Variants in GPR132 observed in about 807,000 individuals in gnomAD.
The protein encoded by GPR132 is G protein-coupled receptor 132, also known as probable G protein-coupled receptor 132.
In GPR132, 4 loss-of-function variants were observed where a neutral mutation model predicts 1.9. That is an observed-to-expected ratio of 2.13 (90% confidence interval 1.05 to 4.87). The LOEUF (loss-of-function observed/expected upper bound fraction) is 4.87, where lower values mean the gene tolerates loss of function less well. Ranked by LOEUF, GPR132 falls within the 30% of genes most tolerant of loss-of-function variation. GPR132 has a pLI of 0.01. For synonymous variants in GPR132, 233 were observed against 234.2 expected (o/e 0.99, Z 0.05); for missense variants, 404 against 512.5 (o/e 0.79, Z 2.04).
Position 105,059,575 on chromosome 14 carries a change from TGTGTAGGCGAGAG to T in GPR132, c.-860-2308_-860-2296del, listed in dbSNP as rs1458235746. ...TGCAACCATTTGTCTCTCGCCTACC[TGTGTAGGCGAGAG>T]ACAAATGGTTGGGAAGCCCCCTCCC... On this transcript the variant is annotated intron_variant, in intron 1 of 3. Transcript: ENST00000329797. This position sits in a 1 kb window ranked among gnomAD's most constrained non-coding sequence, Gnocchi z 4.2. 2.0e-5 allele frequency among the ~76,000 whole-genome samples: 3 copies of T among 151,274 alleles called. No individual in the cohort carries two copies. In the East Asian group the frequency reaches 5.9e-4, roughly 29 times the overall value.
Position 105,054,464 on chromosome 14 carries a change from T to C in GPR132, c.34+923A>G, listed in dbSNP as rs1427997033. The C allele has an allele frequency of 3.2e-6, 3 of 939,866 alleles. No individual in the cohort carries two copies. In the African/African-American group the frequency reaches 5.5e-5, roughly 17 times the overall value. 58.2% of individuals were successfully genotyped at this position (939,866 alleles called of 1,614,324 possible). On this transcript the variant is annotated intron_variant, in intron 3 of 3. Coordinates refer to ENST00000329797, the MANE Select transcript of GPR132 (RefSeq NM_013345.4). The stretch of plus-strand genomic sequence containing the variant: ...TTTGAGACGTAGTCTCAAAAAACTG[T>C]GTTGATGCCCAGGCTGGAGTGCAGT...
intron 1 of GPR132, among the ~76,000 whole-genome samples, chr14:105,061,522 G>C (rs960344235): frequency 6.6e-6 from 1 of 152,222 alleles, no homozygotes; most frequent in Admixed American, 6.5e-5. Flanking sequence ...CTGCAGTGTC[G>C]CGGTCTGTCC....
intron 3 of GPR132, chr14:105,054,500 CTG>C (rs1242202823): frequency 1.4e-6 from 1 of 699,634 alleles, no homozygotes. Context: ...GGCGTGATCT[CTG>C]CTACTGCAAC....
At chr14:105,061,947 T>A (rs1167773440) in intron 1 of GPR132, among the ~76,000 whole-genome samples, 1 of 152,184 alleles carries the variant, frequency 6.6e-6, no homozygotes, top group Admixed American at 6.5e-5. Flanking sequence ...GGGTAGGGGA[T>A]AGCCCACCAT....
chr14:105,055,783 C>A lies in GPR132; in HGVS notation c.-363G>T, dbSNP rs1011584408. Reference sequence around the variant, plus strand: ...AATATAAATATATATATATATTCCACTGTGCCCTTCCATCTTGAGCAATCC... The same window carrying A: ...AATATAAATATATATATATATTCCAATGTGCCCTTCCATCTTGAGCAATCC... On this transcript the variant is annotated 5_prime_UTR_variant, in exon 3 of 4. Transcript: ENST00000329797. The surrounding 1 kb of genome is among the most constrained non-coding windows in gnomAD (Gnocchi z 4.7). The A allele has an allele frequency of 3.9e-6, 1 of 255,880 alleles. No individual in the cohort carries two copies. The highest frequency in any genetic ancestry group is 2.2e-5 in the African/African-American group (1 of 45,716). 15.9% of individuals were successfully genotyped at this position (255,880 alleles called of 1,614,324 possible).
Position 105,051,828 on chromosome 14 carries a change from G to A in GPR132, c.309C>T (p.Arg103=), listed in dbSNP as rs759756753. The A allele has an allele frequency of 6.2e-7, 1 of 1,614,036 alleles. No individual in the cohort carries two copies. The highest frequency in any genetic ancestry group is 1.3e-5 in the African/African-American group (1 of 74,948). The change falls in exon 4 of 4, where the codon CGC becomes CGT. Residue 103 remains arginine (R), a synonymous_variant. Transcript: ENST00000329797. The surrounding 1 kb of genome is among the most constrained non-coding windows in gnomAD (Gnocchi z 8.0). ...GGCCTAGGGTCCAGCGGTGCTGGTT[G>A]CGGATATAGATGACCCAGAGTGGCA... The part of the protein sequence containing the change: ...GTLPLWVIYI[R]NQHRWTLGLL...
At chr14:105,062,763 ACTC>A (rs1477976316) in intron 1 of GPR132, among the ~76,000 whole-genome samples, 1 of 142,174 alleles carries the variant, frequency 7.0e-6, no homozygotes, top group African/African-American at 2.6e-5. Context: ...CAGGTCTTGA[ACTC>A]CTGGGCTCCA....
intron 1 of GPR132, 141 bp downstream of exon 1, chr14:105,065,238 C>G (rs1011245557): frequency 3.3e-5 from 5 of 152,254 alleles, no homozygotes; most frequent in African/African-American, 1.2e-4. Context: ...TAAGAACCCT[C>G]AACAAAGCCT....
chr14:105,063,071 C>T (rs1886991110), intron 1 of GPR132, among the ~76,000 whole-genome samples: 1 of 152,156 alleles, frequency 6.6e-6, no homozygotes, highest in Non-Finnish European at 1.5e-5. Context: ...GCACCTGCTG[C>T]CATGCCCAGT....
rs969050570 is a variant in GPR132 at position 105,055,602 on chromosome 14, G to A, written c.-182C>T. 2.1e-4 allele frequency: 139 copies of A among 654,618 alleles called. No individual in the cohort carries two copies. The highest frequency in any genetic ancestry group is 2.1e-3 in the African/African-American group (113 of 54,590). The allele number at this position is 654,618 out of a possible 1,614,324, so 40.6% of individuals were successfully genotyped here. Reference sequence around the variant, plus strand: ...TCCCCACGTGGGTGGGCATCTCTGCGTGTCTTCAGCGTGTGTCCTTCCGTG... The same window carrying A: ...TCCCCACGTGGGTGGGCATCTCTGCATGTCTTCAGCGTGTGTCCTTCCGTG... On this transcript the variant is annotated 5_prime_UTR_variant, in exon 3 of 4. The change creates a new upstream start codon in the 5' untranslated region. Coordinates refer to ENST00000329797, the MANE Select transcript of GPR132 (RefSeq NM_013345.4). This position sits in a 1 kb window ranked among gnomAD's most constrained non-coding sequence, Gnocchi z 4.7.
In GPR132 at chr14:105,051,648, G is replaced by C; in HGVS notation, c.489C>G (p.Ser163=). Residue 163 remains serine, a synonymous_variant, in exon 4 of 4, where the codon TCC becomes TCG. Transcript: ENST00000329797. This position sits in a 1 kb window ranked among gnomAD's most constrained non-coding sequence, Gnocchi z 8.0. ...RRRRRTAILI[S]ACIFILVGIV... is the part of the protein sequence containing the mutation. The stretch of plus-strand genomic sequence containing the variant: ...TCCCGACGAGGATGAAGATGCAGGC[G>C]GAGATGAGGATGGCGGTCCTCCGGC... 1 of 1,613,958 alleles carries C rather than the reference G, an allele frequency of 6.2e-7. No individual in the cohort carries two copies. Among genetic ancestry groups the C allele is most frequent in the Non-Finnish European group, 8.5e-7 (1 of 1,180,042 alleles).
chr14:105,056,078 C>A lies in GPR132; in HGVS notation c.-658G>T, dbSNP rs1017883398. 9.6e-6 allele frequency: 9 copies of A among 938,504 alleles called. No individual in the cohort carries two copies. Among genetic ancestry groups the A allele is most frequent in the Non-Finnish European group, 1.1e-5 (9 of 786,860 alleles). The allele number at this position is 938,504 out of a possible 1,614,324, so 58.1% of individuals were successfully genotyped here. On this transcript the variant is annotated 5_prime_UTR_variant, in exon 3 of 4. Transcript: ENST00000329797. This position sits in a 1 kb window ranked among gnomAD's most constrained non-coding sequence, Gnocchi z 6.0. ...GTGGCGCTGGCCCACCTTCCCCCGG[C>A]GGTGTGCAGGGCTCCGGTCTCCCCA...
chr14:105,064,676 G>A (rs1887037631), intron 1 of GPR132, among the ~76,000 whole-genome samples: 1 of 152,008 alleles, frequency 6.6e-6, no homozygotes, highest in Non-Finnish European at 1.5e-5. Context: ...CTCCCACCTC[G>A]GCCTGGCCAA....
chr14:105,061,773 T>C (rs1459700725), intron 1 of GPR132, among the ~76,000 whole-genome samples: 1 of 152,002 alleles, frequency 6.6e-6, no homozygotes, highest in Admixed American at 6.5e-5. Flanking sequence ...GGGCTGTGCA[T>C]GGGGACCGTC....
chr14:105,062,904 C>T (rs1339563668), intron 1 of GPR132, among the ~76,000 whole-genome samples: 1 of 151,794 alleles, frequency 6.6e-6, no homozygotes, highest in Admixed American at 6.6e-5. Flanking sequence ...CCCTCTCTCT[C>T]TTGCTTTATT....
Position 105,051,500 on chromosome 14 carries a change from A to C in GPR132, c.637T>G (p.Ser213Ala), listed in dbSNP as rs1442540154. 2.5e-6 allele frequency: 4 copies of C among 1,613,926 alleles called. No individual in the cohort carries two copies. In the African/African-American group the frequency reaches 5.3e-5, roughly 22 times the overall value. The change falls in exon 4 of 4, where the codon TCC becomes GCC. Residue 213 changes from serine (S) to alanine (A), a missense_variant. Physicochemically the swap from Ser to Ala is moderately conservative, Grantham distance 99 (BLOSUM62 1). Coordinates refer to ENST00000329797, the MANE Select transcript of GPR132 (RefSeq NM_013345.4). The surrounding 1 kb of genome is among the most constrained non-coding windows in gnomAD (Gnocchi z 8.0). Reference protein sequence around the residue: ...RFTVGFAIPLSIIAFTNHRIF... With the variant: ...RFTVGFAIPLAIIAFTNHRIF... ...CGGTGGTTGGTGAAGGCGATGATGG[A>C]GAGAGGGATGGCAAAGCCAACGGTG...
intron 3 of GPR132, chr14:105,054,111 A>G (rs1400240503): frequency 2.3e-6 from 3 of 1,287,894 alleles, no homozygotes; most frequent in African/African-American, 1.5e-5. Context: ...GTTACAGATC[A>G]TGGAGTCCCA....
In GPR132 at chr14:105,057,399, T is replaced by C. The variant is rs74699509; in HGVS notation, c.-860-119A>G. On this transcript the variant is annotated intron_variant, in intron 1 of 3. Coordinates refer to ENST00000329797, the MANE Select transcript of GPR132 (RefSeq NM_013345.4). Reference sequence around the variant, plus strand: ...ACTAAGTGGCCCGTTGATTCGTAGGTGTTTTTTAAATGTTGAGAATCTGCC... The same window carrying C: ...ACTAAGTGGCCCGTTGATTCGTAGGCGTTTTTTAAATGTTGAGAATCTGCC... 862 of 524,508 alleles carry C rather than the reference T, an allele frequency of 1.6e-3. 9 individuals are homozygous for C. Among genetic ancestry groups the C allele is most frequent in the African/African-American group, 0.016 (799 of 51,496 alleles). 32.5% of individuals were successfully genotyped at this position (524,508 alleles called of 1,614,324 possible).
chr14:105,053,978 G>C, intron 3 of GPR132: 2 of 1,237,218 alleles, frequency 1.6e-6, no homozygotes, highest in Non-Finnish European at 2.1e-6. Flanking sequence ...TTTCCAGCCA[G>C]GGGGTTGCTA....
Sources: allele counts gnomAD v4.1 joint callset (sites outside exome capture counted in the v4.1 genomes callset), GRCh38; gene constraint gnomAD v4.1.1; non-coding constraint Gnocchi (gnomAD v3.1); transcripts MANE v1.5; gene names NCBI Gene and HGNC (gene_info 2026-07-23, HGNC 2026-07-21).